The following APBB2 variants were observed in gnomAD, a reference collection of about 807,000 sequenced individuals.
APBB2 encodes Fe65-like 1.
In APBB2, 38 loss-of-function variants were observed where a neutral mutation model predicts 82.5. The observed-to-expected ratio is 0.46, with a 90% CI of 0.36 to 0.60. APBB2 has a LOEUF of 0.60. Ranked by LOEUF, APBB2 falls within the 20% of genes least tolerant of loss-of-function variation. The probability of loss-of-function intolerance (pLI) is 0.00; values close to 1 mark genes in which losing one functional copy is unlikely to be tolerated. For missense variants in APBB2, 772 were observed against 972.3 expected (o/e 0.79, Z 2.74); for synonymous variants, 341 against 368.2 (o/e 0.93, Z 0.85).
At chr4:41,054,763 A>G (rs890859238) in intron 4 of APBB2, among the ~76,000 whole-genome samples, 1 of 152,068 alleles carries the variant, frequency 6.6e-6, no homozygotes, top group African/African-American at 2.4e-5. Context: ...TCTGATCACA[A>G]CTTGACCACT....
chr4:41,211,329 T>C (rs1410194570), intron 1 of APBB2, among the ~76,000 whole-genome samples: 2 of 151,810 alleles, frequency 1.3e-5, no homozygotes, highest in African/African-American at 4.8e-5. Flanking sequence ...GGAAAATAAG[T>C]ATTCCCCCCA....
At chr4:40,884,557 G>A (rs1428597603) in intron 12 of APBB2, among the ~76,000 whole-genome samples, 1 of 152,112 alleles carries the variant, frequency 6.6e-6, no homozygotes, top group African/African-American at 2.4e-5. Context: ...TGGGAGGACT[G>A]CTTGAAGCCT....
chr4:41,110,776 C>T (rs191508608), intron 2 of APBB2, among the ~76,000 whole-genome samples: 46 of 152,234 alleles, frequency 3.0e-4, no homozygotes, highest in African/African-American at 8.4e-4. Context: ...TCTAGAGCAG[C>T]GGTCCCCAAC....
chr4:41,120,284 C>T (rs558865542), intron 2 of APBB2, among the ~76,000 whole-genome samples: 3 of 152,290 alleles, frequency 2.0e-5, no homozygotes, highest in African/African-American at 7.2e-5. Flanking sequence ...CTCCAATCTC[C>T]TGAGCAGAAT....
At chr4:41,201,255 A>C (rs1580797970) in intron 1 of APBB2, among the ~76,000 whole-genome samples, 1 of 152,244 alleles carries the variant, frequency 6.6e-6, no homozygotes, top group African/African-American at 2.4e-5. Flanking sequence ...CAAGCCTATC[A>C]AACTGTAATA....
At chr4:41,131,335 T>A (rs183118039) in intron 2 of APBB2, among the ~76,000 whole-genome samples, 25 of 152,352 alleles carry the variant, frequency 1.6e-4, no homozygotes, top group Non-Finnish European at 2.8e-4. Context: ...TTTTAAATTA[T>A]CAGATTCTTT....
At chr4:41,004,486 G>A (rs923597789) in intron 6 of APBB2, among the ~76,000 whole-genome samples, 1 of 152,040 alleles carries the variant, frequency 6.6e-6, no homozygotes, top group Non-Finnish European at 1.5e-5. Context: ...TCACAGACTG[G>A]TTTTAATCTA....
At chr4:40,870,290 C>T (rs892934980) in intron 12 of APBB2, among the ~76,000 whole-genome samples, 12 of 152,176 alleles carry the variant, frequency 7.9e-5, no homozygotes, top group Non-Finnish European at 1.5e-4. Context: ...GAGTGAGGGG[C>T]AGCGCAGAGG....
intron 12 of APBB2, among the ~76,000 whole-genome samples, chr4:40,834,158 G>A (rs1753037255): frequency 6.6e-6 from 1 of 151,846 alleles, no homozygotes; most frequent in African/African-American, 2.4e-5. Context: ...CTCCAAGGTA[G>A]AGGCTAATAG....
Position 40,890,372 on chromosome 4 carries a change from G to A in APBB2, c.1521C>T (p.Asp507=). 4 of 1,612,536 alleles carry A rather than the reference G, an allele frequency of 2.5e-6. 1 individual carries two copies. The South Asian group carries it at 3.3e-5, about 13-fold the overall frequency. The change falls in exon 12 of 18, where the codon GAC becomes GAT. Residue 507 remains aspartate (D), a synonymous_variant. Coordinates refer to ENST00000508593, the MANE Select transcript of APBB2 (RefSeq NM_004307.2). The part of the protein sequence containing the change: ...VSIRVWGVGR[D]NGRDFAYVAR... ...CCCACCCAGGGACTCACCGGCCATT[G>A]TCGCGGCCCACGCCCCACACGCGGA...
At chr4:40,979,206 A>T (rs1203823682) in intron 6 of APBB2, among the ~76,000 whole-genome samples, 1 of 152,218 alleles carries the variant, frequency 6.6e-6, no homozygotes, top group Non-Finnish European at 1.5e-5. Context: ...CTGTACAATT[A>T]ATTTGAGATC....
chr4:40,891,828 A>T (rs1772106922), intron 11 of APBB2, among the ~76,000 whole-genome samples: 1 of 152,064 alleles, frequency 6.6e-6, no homozygotes, highest in South Asian at 2.1e-4. Context: ...AGTCATTCAC[A>T]TATTAGTGTA....
intron 6 of APBB2, among the ~76,000 whole-genome samples, chr4:40,954,919 G>A (rs1166124518): frequency 6.6e-6 from 1 of 152,168 alleles, no homozygotes; most frequent in East Asian, 1.9e-4. Flanking sequence ...CCTAAGTACT[G>A]AGATTACAGG....
intron 6 of APBB2, among the ~76,000 whole-genome samples, chr4:40,957,012 G>A (rs750156365): frequency 7.2e-5 from 11 of 152,180 alleles, no homozygotes; most frequent in South Asian, 2.1e-4. Context: ...ATCTAGCCCC[G>A]ATGCCTGCTA....
intron 6 of APBB2, among the ~76,000 whole-genome samples, chr4:41,005,818 G>A (rs1486652423): frequency 3.3e-5 from 5 of 152,202 alleles, no homozygotes; most frequent in Non-Finnish European, 7.3e-5. Flanking sequence ...ACAGCTCTGA[G>A]GGACAATGCT....
Position 40,863,359 on chromosome 4 carries a change from T to C in APBB2, c.1529+27005A>G, listed in dbSNP as rs541093350. 2.8e-4 allele frequency among the ~76,000 whole-genome samples: 42 copies of C among 152,330 alleles called. 1 individual carries two copies. The South Asian group carries it at 8.3e-3, about 30-fold the overall frequency. On this transcript the variant is annotated intron_variant, in intron 12 of 17. Transcript: ENST00000508593. ...AGGACCTTAAGGTAGATCAATGCCT[T>C]TCAAACTTCAATGTGCAAATGCATT...
chr4:40,829,906 C>A (rs1751295432), intron 13 of APBB2, among the ~76,000 whole-genome samples: 1 of 152,308 alleles, frequency 6.6e-6, no homozygotes, highest in South Asian at 2.1e-4. Flanking sequence ...CGGCAATCCC[C>A]AGCTCCCTGC....
intron 1 of APBB2, among the ~76,000 whole-genome samples, chr4:41,180,971 C>G (rs1345464970): frequency 1.3e-5 from 2 of 151,886 alleles, no homozygotes; most frequent in Non-Finnish European, 2.9e-5. Context: ...CACATTTGAT[C>G]AAATGAATCC....
intron 7 of APBB2, among the ~76,000 whole-genome samples, chr4:40,937,844 A>G (rs533365975): frequency 6.6e-6 from 1 of 152,376 alleles, no homozygotes; most frequent in Admixed American, 6.5e-5. Flanking sequence ...TTAATTAAGA[A>G]GAGAGAATAT....
Sources: gnomAD v4.1 joint callset for allele counts (sites outside exome capture counted in the v4.1 genomes callset) on GRCh38, gnomAD v4.1.1 for gene constraint, MANE v1.5 for transcripts, NCBI Gene and HGNC (gene_info 2026-07-23, HGNC 2026-07-21) for gene names.